The following CPPED1 variants were observed in gnomAD, a reference collection of about 807,000 sequenced individuals.
CPPED1 encodes calcineurin like phosphoesterase domain containing 1.
CPPED1 carries 28 observed loss-of-function variants against 28.0 expected under a neutral mutation model. The ratio of observed to expected loss-of-function variants is 1.00; its 90% CI spans 0.74 to 1.37. CPPED1 has a LOEUF of 1.37. Among genes scored for constraint, CPPED1 ranks in the 40% most tolerant of loss-of-function variants. The pLI is 0.00. For synonymous variants in CPPED1, 198 were observed against 180.2 expected (o/e 1.10, Z -0.79); for missense variants, 504 against 416.5 (o/e 1.21, Z -1.83).
At chr16:12,760,427 G>A (rs2080402076) in intron 2 of CPPED1, 1 of 152,190 alleles carries the variant, frequency 6.6e-6, no homozygotes, top group Non-Finnish European at 1.5e-5. Context: ...GTGATGCTGA[G>A]ATTCTGGACA....
chr16:12,792,697 T>C (rs900051464), intron 1 of CPPED1, among the ~76,000 whole-genome samples: 11 of 152,096 alleles, frequency 7.2e-5, no homozygotes, highest in Admixed American at 4.6e-4. Context: ...CCCATGCTGT[T>C]CGCATGATAG....
At chr16:12,696,772 T>A (rs998793407) in intron 3 of CPPED1, among the ~76,000 whole-genome samples, 1 of 151,992 alleles carries the variant, frequency 6.6e-6, no homozygotes, top group Admixed American at 6.6e-5. Context: ...TATATATGAC[T>A]CTCCTTAAGG....
intron 1 of CPPED1, among the ~76,000 whole-genome samples, chr16:12,789,687 G>A (rs760954551): frequency 3.3e-5 from 5 of 151,948 alleles, no homozygotes; most frequent in African/African-American, 9.7e-5. Flanking sequence ...CACCATGCCT[G>A]GTTAATTTTT....
chr16:12,698,268 G>T (rs1478382112), intron 3 of CPPED1, among the ~76,000 whole-genome samples: 1 of 152,154 alleles, frequency 6.6e-6, no homozygotes, highest in Non-Finnish European at 1.5e-5. Flanking sequence ...CTAGGGGCTG[G>T]CCTTACAGAG....
intron 2 of CPPED1, among the ~76,000 whole-genome samples, chr16:12,751,999 A>C (rs1255343554): frequency 1.3e-5 from 2 of 152,174 alleles, no homozygotes; most frequent in Non-Finnish European, 2.9e-5. Context: ...GAGCCACCAA[A>C]GTCATAGAAT....
Position 12,662,373 on chromosome 16 carries a change from T to G in CPPED1, c.*2513A>C, listed in dbSNP as rs1596432578. ...AAAAGTGGTGAGAAATTAATATGAT[T>G]CTCTCTTCCCTTTTAAAAAATTAAA... On this transcript the variant is annotated 3_prime_UTR_variant, in exon 4 of 4. Transcript: ENST00000381774. The G allele has an allele frequency of 6.6e-6, 1 of 152,170 alleles. No homozygotes were observed. 9.4% of individuals were successfully genotyped at this position (152,170 alleles called of 1,614,324 possible). A position where few individuals can be genotyped will look rare whatever the true frequency, so the allele number is the denominator to read the frequency against.
chr16:12,687,897 C>T (rs752230495), intron 3 of CPPED1, among the ~76,000 whole-genome samples: 14 of 150,930 alleles, frequency 9.3e-5, no homozygotes, highest in African/African-American at 2.7e-4. Flanking sequence ...ACAGTAATAA[C>T]GTAAACATTT....
At position 12,704,735 on chromosome 16, in the gene CPPED1, C is replaced by A; in HGVS notation, c.604G>T (p.Val202Phe). ...AGGAACAGCGGGATGTGCTGGAAGA[C>A]GATGGCATGCTGGCAGTGCCGCTGC... ...ARQRHCQHAI[V>F]FQHIPLFLES... is the part of the protein sequence containing the mutation. Residue 202 changes from valine (V) to phenylalanine (F), a missense_variant, in exon 3 of 4, where the codon GTC becomes TTC. Physicochemically the swap from Val to Phe is conservative, Grantham distance 50 (BLOSUM62 -1). Coordinates refer to ENST00000381774, the MANE Select transcript of CPPED1 (RefSeq NM_018340.3). 2 of 1,614,182 alleles carry A rather than the reference C, an allele frequency of 1.2e-6. No homozygotes were observed. The highest frequency in any genetic ancestry group is 1.7e-6 in the Non-Finnish European group (2 of 1,180,036).
At chr16:12,773,250 C>T (rs893958581) in intron 2 of CPPED1, among the ~76,000 whole-genome samples, 3 of 152,188 alleles carry the variant, frequency 2.0e-5, no homozygotes, top group Admixed American at 6.5e-5. Context: ...GGTCATCCTG[C>T]GTTATTCAGT....
At chr16:12,763,227 C>T (rs1443452246) in intron 2 of CPPED1, among the ~76,000 whole-genome samples, 1 of 149,784 alleles carries the variant, frequency 6.7e-6, no homozygotes, top group Non-Finnish European at 1.5e-5. Context: ...AGCAAGACTC[C>T]ACCTTGAAAA....
intron 2 of CPPED1, among the ~76,000 whole-genome samples, chr16:12,762,485 A>G (rs1481898543): frequency 6.6e-6 from 1 of 152,238 alleles, no homozygotes; most frequent in African/African-American, 2.4e-5. Context: ...CAGTAGATAG[A>G]TAAAATGTGG....
At chr16:12,752,151 G>A (rs2080333790) in intron 2 of CPPED1, among the ~76,000 whole-genome samples, 2 of 152,144 alleles carry the variant, frequency 1.3e-5, no homozygotes, top group South Asian at 4.1e-4. Flanking sequence ...AATGAGAATA[G>A]AGCAGAGGTT....
At chr16:12,715,990 G>C (rs1168715680) in intron 2 of CPPED1, among the ~76,000 whole-genome samples, 1 of 152,208 alleles carries the variant, frequency 6.6e-6, no homozygotes, top group Non-Finnish European at 1.5e-5. Context: ...AGAGAGTAGA[G>C]GGAGAAGGGT....
At chr16:12,696,586 C>A (rs1397607598) in intron 3 of CPPED1, among the ~76,000 whole-genome samples, 1 of 151,760 alleles carries the variant, frequency 6.6e-6, no homozygotes, top group African/African-American at 2.4e-5. Flanking sequence ...GGATTACAGG[C>A]ACTCACCACC....
At chr16:12,771,744 C>A (rs1311655572) in intron 2 of CPPED1, among the ~76,000 whole-genome samples, 1 of 152,192 alleles carries the variant, frequency 6.6e-6, no homozygotes, top group African/African-American at 2.4e-5. Context: ...GGGCTTTATT[C>A]TTTGCCTGAA....
chr16:12,736,021 G>A (rs1203774070), intron 2 of CPPED1, among the ~76,000 whole-genome samples: 2 of 152,240 alleles, frequency 1.3e-5, no homozygotes, highest in South Asian at 2.1e-4. Context: ...CACCTAGGAA[G>A]CAAGATCCCC....
At chr16:12,721,276 C>T (rs990534938) in intron 2 of CPPED1, among the ~76,000 whole-genome samples, 2 of 152,150 alleles carry the variant, frequency 1.3e-5, no homozygotes, top group Non-Finnish European at 2.9e-5. Flanking sequence ...CAAGATGATA[C>T]ACATTTTGTG....
At chr16:12,796,320 C>G (rs1208416274) in intron 1 of CPPED1, among the ~76,000 whole-genome samples, 2 of 151,746 alleles carry the variant, frequency 1.3e-5, no homozygotes, top group Non-Finnish European at 2.9e-5. Flanking sequence ...ACGGTGAAAC[C>G]CCATCTCTAC....
At chr16:12,678,614 T>C (rs1247699117) in intron 3 of CPPED1, among the ~76,000 whole-genome samples, 1 of 152,218 alleles carries the variant, frequency 6.6e-6, no homozygotes, top group Non-Finnish European at 1.5e-5. Flanking sequence ...TGGACATCCT[T>C]TGCTATTCCT....
Sources: gnomAD v4.1 joint callset for allele counts (sites outside exome capture counted in the v4.1 genomes callset) on GRCh38, gnomAD v4.1.1 for gene constraint, MANE v1.5 for transcripts, NCBI Gene and HGNC (gene_info 2026-07-23, HGNC 2026-07-21) for gene names.